Variants in RHOQ observed in about 807,000 individuals in gnomAD.
RHOQ encodes the protein rho-related GTP-binding protein RhoQ.
RHOQ carries 7 observed loss-of-function variants against 25.8 expected under a neutral mutation model. The ratio of observed to expected loss-of-function variants is 0.27; its 90% CI spans 0.15 to 0.51. The LOEUF (loss-of-function observed/expected upper bound fraction) is 0.51. Among genes scored for constraint, RHOQ ranks in the 20% least tolerant of loss-of-function variants. The pLI is 0.97. For synonymous variants in RHOQ, 97 were observed against 98.6 expected (o/e 0.98, Z 0.10); for missense variants, 165 against 260.6 (o/e 0.63, Z 2.53).
At position 46,576,368 on chromosome 2, in the gene RHOQ, G is replaced by A. The variant is rs753322587; in HGVS notation, c.366+117G>A. The A allele has an allele frequency of 1.0e-6, 1 of 984,052 alleles. No individual in the cohort carries two copies. The highest frequency in any genetic ancestry group is 1.5e-6 in the Non-Finnish European group (1 of 660,796). The allele number at this position is 984,052 out of a possible 1,614,324, so 61.0% of individuals were successfully genotyped here. A position where few individuals can be genotyped will look rare whatever the true frequency, so the allele number is the denominator to read the frequency against. On this transcript the variant is annotated intron_variant, in intron 3 of 4. Coordinates refer to ENST00000238738, the MANE Select transcript of RHOQ (RefSeq NM_012249.4). This position sits in a 1 kb window ranked among gnomAD's most constrained non-coding sequence, Gnocchi z 5.1. ...ATGATGTAAGTGTTTAATCTCAGCT[G>A]CAAGTTAATGAGTTCTATCATATTT...
chr2:46,542,995 G>T lies in RHOQ; in HGVS notation c.-52G>T. 7.2e-7 allele frequency: 1 copy of T among 1,394,058 alleles called. No homozygotes were observed. The highest frequency in any genetic ancestry group is 3.2e-5 in the East Asian group (1 of 31,608). The allele number at this position is 1,394,058 out of a possible 1,614,324, so 86.4% of individuals were successfully genotyped here. On this transcript the variant is annotated 5_prime_UTR_variant, in exon 1 of 5. Coordinates refer to ENST00000238738, the MANE Select transcript of RHOQ (RefSeq NM_012249.4). ...CAGGCGGGCTGGGGCTGAGCCCGGG[G>T]CCGGGGCGGGGGCTCCGGGGGGACC... is the stretch of plus-strand genomic sequence containing the variant.
Position 46,584,388 on chromosome 2 carries a change from T to C in RHOQ, c.*3305T>C, listed in dbSNP as rs1669500585. On this transcript the variant is annotated 3_prime_UTR_variant, in exon 5 of 5. Coordinates refer to ENST00000238738, the MANE Select transcript of RHOQ (RefSeq NM_012249.4). ...TTAAAAAAAGCTCACTGTTAAAGTA[T>C]AGGGAGAATAGTAATCCCTCATGAA... Among the ~76,000 whole-genome samples the C allele has an allele frequency of 6.6e-6, 1 of 152,170 alleles. No homozygotes were observed. Among genetic ancestry groups the C allele is most frequent in the Non-Finnish European group, 1.5e-5 (1 of 68,010 alleles).
Position 46,581,595 on chromosome 2 carries a change from A to T in RHOQ, c.*512A>T. 6.2e-7 allele frequency: 1 copy of T among 1,610,792 alleles called. No homozygotes were observed. Among genetic ancestry groups the T allele is most frequent in the South Asian group, 1.1e-5 (1 of 90,866 alleles). ...GCGTACAGGAGATGGGCCATACCTGAGGAGAGAATGTATGAGATCAAAAAA... is the reference window on the plus strand; with the variant it reads ...GCGTACAGGAGATGGGCCATACCTGTGGAGAGAATGTATGAGATCAAAAAA... On this transcript the variant is annotated 3_prime_UTR_variant, in exon 5 of 5. Transcript: ENST00000238738.
In RHOQ at chr2:46,583,348, C is replaced by T. The variant is rs1279323768; in HGVS notation, c.*2265C>T. Reference sequence around the variant, plus strand: ...TGGGAGGTAGAACAGAGATCTCCAACGTCTCTCCCATTTATCACAGTAATT... The same window carrying T: ...TGGGAGGTAGAACAGAGATCTCCAATGTCTCTCCCATTTATCACAGTAATT... On this transcript the variant is annotated 3_prime_UTR_variant, in exon 5 of 5. Transcript: ENST00000238738. 3.3e-5 allele frequency among the ~76,000 whole-genome samples: 5 copies of T among 152,124 alleles called. No homozygotes were observed. The highest frequency in any genetic ancestry group is 7.4e-5 in the Non-Finnish European group (5 of 67,980).
At position 46,581,598 on chromosome 2, in the gene RHOQ, A is replaced by G. The variant is rs1572762388; in HGVS notation, c.*515A>G. ...TACAGGAGATGGGCCATACCTGAGG[A>G]GAGAATGTATGAGATCAAAAAAGAA... On this transcript the variant is annotated 3_prime_UTR_variant, in exon 5 of 5. Coordinates refer to ENST00000238738, the MANE Select transcript of RHOQ (RefSeq NM_012249.4). 1 of 1,610,574 alleles carries G rather than the reference A, an allele frequency of 6.2e-7. No homozygotes were observed. Among genetic ancestry groups the G allele is most frequent in the Non-Finnish European group, 8.5e-7 (1 of 1,179,076 alleles).
rs2104056374 is a variant in RHOQ, at chr2:46,583,798, C to T, written c.*2715C>T. 6.6e-6 allele frequency among the ~76,000 whole-genome samples: 1 copy of T among 152,234 alleles called. No homozygotes were observed. Among genetic ancestry groups the T allele is most frequent in the Middle Eastern group, 3.4e-3 (1 of 294 alleles). On this transcript the variant is annotated 3_prime_UTR_variant, in exon 5 of 5. Transcript: ENST00000238738. ...AACTGCTTCAAAAATATTTTACTGA[C>T]ATGAATTTTGCTAGTGAATACAAAT...
intron 1 of RHOQ, 178 bp from the exon 2 acceptor site, chr2:46,543,576 C>T (rs1667920829): frequency 1.6e-6 from 1 of 640,586 alleles, no homozygotes; most frequent in Admixed American, 2.5e-5. Context: ...CATCACACCC[C>T]GGCCCTTTGC....
rs1033305664 is a variant in RHOQ, at chr2:46,581,769, A to C, written c.*686A>C. On this transcript the variant is annotated 3_prime_UTR_variant, in exon 5 of 5. Transcript: ENST00000238738. ...ACTAAAAATGTACACATTTTAGTTA[A>C]TGTGCATTAAACTGTAACAAGGCTT... The C allele has an allele frequency of 6.9e-6, 6 of 867,500 alleles. No homozygotes were observed. Among genetic ancestry groups the C allele is most frequent in the African/African-American group, 1.7e-5 (1 of 57,968 alleles). The allele number at this position is 867,500 out of a possible 1,614,324, so 53.7% of individuals were successfully genotyped here. A position where few individuals can be genotyped will look rare whatever the true frequency, so the allele number is the denominator to read the frequency against.
chr2:46,560,077 C>T (rs1668527679), intron 2 of RHOQ, among the ~76,000 whole-genome samples: 1 of 152,120 alleles, frequency 6.6e-6, no homozygotes, highest in Admixed American at 6.5e-5. Context: ...CTCGTTCCAC[C>T]CTCTTGCTTG....
rs1669145133 is a variant in RHOQ, at chr2:46,576,847, G to A, written c.462+191G>A. 3 of 424,936 alleles carry A rather than the reference G, an allele frequency of 7.1e-6. No individual in the cohort carries two copies. The highest frequency in any genetic ancestry group is 8.6e-5 in the Admixed American group (2 of 23,144). The allele number at this position is 424,936 out of a possible 1,614,324, so 26.3% of individuals were successfully genotyped here. A position where few individuals can be genotyped will look rare whatever the true frequency, so the allele number is the denominator to read the frequency against. On this transcript the variant is annotated intron_variant, in intron 4 of 4. Coordinates refer to ENST00000238738, the MANE Select transcript of RHOQ (RefSeq NM_012249.4). This position sits in a 1 kb window ranked among gnomAD's most constrained non-coding sequence, Gnocchi z 5.1. ...ACACAGAAGAGACAGTGGAGGCTGG[G>A]AGATGTCAGATAATTCGCCCAAGAT...
intron 2 of RHOQ, among the ~76,000 whole-genome samples, chr2:46,567,564 T>C (rs538107716): frequency 6.6e-6 from 1 of 152,206 alleles, no homozygotes; most frequent in South Asian, 2.1e-4. Context: ...TGGCTCATTT[T>C]TTATTTTTGT....
rs759592600 is a variant in RHOQ, at chr2:46,581,121, C to G, written c.*38C>G. On this transcript the variant is annotated 3_prime_UTR_variant, in exon 5 of 5. Coordinates refer to ENST00000238738, the MANE Select transcript of RHOQ (RefSeq NM_012249.4). ...GTGGCCAAGGAAACTGTCCATTTCT[C>G]TCAGAAAGCAAATGAAATGCTACAG... is the stretch of plus-strand genomic sequence containing the variant. 2.1e-6 allele frequency: 3 copies of G among 1,430,260 alleles called. No homozygotes were observed. Among genetic ancestry groups the G allele is most frequent in the East Asian group, 4.8e-5 (2 of 42,042 alleles). 88.6% of individuals were successfully genotyped at this position (1,430,260 alleles called of 1,614,324 possible).
At position 46,582,328 on chromosome 2, in the gene RHOQ, G is replaced by A. The variant is rs1415775117; in HGVS notation, c.*1245G>A. 1 of 151,544 alleles carries A rather than the reference G, an allele frequency of 6.6e-6. No individual in the cohort carries two copies. Among genetic ancestry groups the A allele is most frequent in the South Asian group, 2.1e-4 (1 of 4,804 alleles). 9.4% of individuals were successfully genotyped at this position (151,544 alleles called of 1,614,324 possible). A position where few individuals can be genotyped will look rare whatever the true frequency, so the allele number is the denominator to read the frequency against. On this transcript the variant is annotated 3_prime_UTR_variant, in exon 5 of 5. Transcript: ENST00000238738. ...TGGAGGAAAATTTTCATGTTCTTCT[G>A]TGAAGCTTATTTGGTACACTGGAGC...
chr2:46,542,801 G>T lies in RHOQ; in HGVS notation c.-246G>T. The T allele has an allele frequency of 6.8e-6, 1 of 147,066 alleles. No individual in the cohort carries two copies. The highest frequency in any genetic ancestry group is 1.8e-4 in the South Asian group (1 of 5,530). The allele number at this position is 147,066 out of a possible 1,614,324, so 9.1% of individuals were successfully genotyped here. On this transcript the variant is annotated 5_prime_UTR_variant, in exon 1 of 5. Transcript: ENST00000238738. ...AGGGCGCGGGCGCCGAGTGGCGGGG[G>T]CAGCGGGCGGGCGCGGCGACCGGGG...
rs574529803 is a variant in RHOQ, at chr2:46,584,371, A to C, written c.*3288A>C. Among the ~76,000 whole-genome samples, 18 of 152,324 alleles carry C rather than the reference A, an allele frequency of 1.2e-4. No individual in the cohort carries two copies. The highest frequency in any genetic ancestry group is 2.6e-4 in the Non-Finnish European group (18 of 68,000). On this transcript the variant is annotated 3_prime_UTR_variant, in exon 5 of 5. Transcript: ENST00000238738. ...TGAGTCCCTATACTCTGTTAAAAAAAGCTCACTGTTAAAGTATAGGGAGAA... is the reference window on the plus strand; with the variant it reads ...TGAGTCCCTATACTCTGTTAAAAAACGCTCACTGTTAAAGTATAGGGAGAA...
chr2:46,562,828 T>C (rs1015818215), intron 2 of RHOQ, among the ~76,000 whole-genome samples: 5 of 152,216 alleles, frequency 3.3e-5, no homozygotes, highest in African/African-American at 4.8e-5. Flanking sequence ...TACACACTTA[T>C]TTAAACCAGC....
intron 2 of RHOQ, among the ~76,000 whole-genome samples, chr2:46,553,469 T>C (rs1039174649): frequency 2.6e-5 from 4 of 152,244 alleles, no homozygotes; most frequent in Non-Finnish European, 5.9e-5. Flanking sequence ...CAGTTACTCT[T>C]TGTGCTACAA....
intron 2 of RHOQ, among the ~76,000 whole-genome samples, chr2:46,558,862 T>C (rs1463392365): frequency 2.0e-5 from 3 of 152,192 alleles, no homozygotes; most frequent in African/African-American, 7.2e-5. Context: ...ACCCCTTCTA[T>C]TCTGTTTTTG....
At chr2:46,567,883 C>G (rs2104013673) in intron 2 of RHOQ, among the ~76,000 whole-genome samples, 1 of 151,794 alleles carries the variant, frequency 6.6e-6, no homozygotes, top group South Asian at 2.1e-4. Flanking sequence ...AGAGCAAGAC[C>G]CCTGTCTCTA....
Sources: allele counts gnomAD v4.1 joint callset (sites outside exome capture counted in the v4.1 genomes callset), GRCh38; gene constraint gnomAD v4.1.1; non-coding constraint Gnocchi (gnomAD v3.1); transcripts MANE v1.5; gene names NCBI Gene and HGNC (gene_info 2026-07-23, HGNC 2026-07-21).